ANK1: variants seen among roughly 807,000 people sequenced by gnomAD.
ANK1 encodes the protein ankyrin 1, also known as ankyrin-1.
In ANK1, 51 loss-of-function variants were observed where a neutral mutation model predicts 210.4. The observed-to-expected ratio is 0.24, with a 90% confidence interval of 0.19 to 0.31. ANK1 has a LOEUF of 0.31. Ranked by LOEUF, ANK1 falls within the 10% of genes least tolerant of loss-of-function variation. ANK1 has a pLI of 1.00. For synonymous variants in ANK1, 967 were observed against 1,025.9 expected (o/e 0.94, Z 1.10); for missense variants, 2,051 against 2,504.4 (o/e 0.82, Z 3.86).
intron 17 of ANK1, among the ~76,000 whole-genome samples, chr8:41,708,275 G>A (rs942281061): frequency 1.3e-5 from 2 of 152,280 alleles, no homozygotes; most frequent in East Asian, 3.9e-4. Context: ...GCTTCACCCA[G>A]AAAACTGCTC....
chr8:41,691,085 G>T (rs1465937966), intron 31 of ANK1, among the ~76,000 whole-genome samples: 21 of 152,082 alleles, frequency 1.4e-4, no homozygotes. Context: ...AACTAGCCAG[G>T]TGTGGTGGCA....
chr8:41,804,689 T>G (rs530713638), intron 1 of ANK1, among the ~76,000 whole-genome samples: 7 of 152,248 alleles, frequency 4.6e-5, no homozygotes, highest in Non-Finnish European at 8.8e-5. Flanking sequence ...GCTACCAGTT[T>G]AGGAGATCAA....
At chr8:41,803,090 A>AAGGAAGGGAAGGGAAGGAAAGGAAAG (rs777806034) in intron 1 of ANK1, among the ~76,000 whole-genome samples, 2 of 24,912 alleles carry the variant, frequency 8.0e-5, no homozygotes, top group African/African-American at 1.9e-4. Flanking sequence ...GAAGGGAAGG[A>AAGGAAGGGAAGGGAAGGAAAGGAAAG]AAGGAAAGGA....
At chr8:41,847,888 G>A (rs942897493) in intron 1 of ANK1, among the ~76,000 whole-genome samples, 8 of 152,094 alleles carry the variant, frequency 5.3e-5, no homozygotes, top group Non-Finnish European at 1.2e-4. Flanking sequence ...AGAACTGTGG[G>A]CCAGGCGCAG....
intron 1 of ANK1, among the ~76,000 whole-genome samples, chr8:41,785,461 C>G (rs1233187727): frequency 6.6e-6 from 1 of 152,210 alleles, no homozygotes; most frequent in East Asian, 1.9e-4. Context: ...TGCCCTAGTC[C>G]GCAGCTGTCT....
At chr8:41,743,361 A>G (rs1835273002) in intron 2 of ANK1, among the ~76,000 whole-genome samples, 1 of 152,206 alleles carries the variant, frequency 6.6e-6, no homozygotes, top group Admixed American at 6.5e-5. Context: ...TAGAAGAGGA[A>G]ATGAACTGAG....
Position 41,696,434 on chromosome 8 carries a change from G to A in ANK1, c.2889C>T (p.Pro963=), listed in dbSNP as rs147339150. The stretch of plus-strand genomic sequence containing the variant: ...CCAGGCCCTCCTCCTCGGCCAGTGG[G>A]GGCGGCGTGCTGAGCTTCTGGGGCT... ...LVKPQKLSTP[P]PLAEEEGLAS... The change falls in exon 26 of 43, where the codon CCC becomes CCT. Residue 963 remains proline (P), a synonymous_variant. Coordinates refer to ENST00000289734, the MANE Select transcript of ANK1 (RefSeq NM_000037.4). The A allele has an allele frequency of 6.2e-7, 1 of 1,613,294 alleles. No individual in the cohort carries two copies. Among genetic ancestry groups the A allele is most frequent in the Non-Finnish European group, 8.5e-7 (1 of 1,179,870 alleles).
chr8:41,837,857 C>T (rs774594765), intron 1 of ANK1, among the ~76,000 whole-genome samples: 3 of 151,828 alleles, frequency 2.0e-5, no homozygotes, highest in Non-Finnish European at 2.9e-5. Context: ...GGCAACAGAG[C>T]GAGACGCATC....
intron 1 of ANK1, among the ~76,000 whole-genome samples, chr8:41,843,067 T>C (rs1032472954): frequency 1.3e-5 from 2 of 152,148 alleles, no homozygotes; most frequent in Non-Finnish European, 2.9e-5. Context: ...AGGCTGGTCT[T>C]GAACTCTTGA....
chr8:41,671,868 C>G (rs1177104992), intron 38 of ANK1, among the ~76,000 whole-genome samples: 3 of 146,054 alleles, frequency 2.1e-5, no homozygotes, highest in Non-Finnish European at 1.5e-5. Flanking sequence ...TGAGCCCTCC[C>G]AGCGCCCCGA....
chr8:41,776,318 G>A (rs1844029625), intron 1 of ANK1, among the ~76,000 whole-genome samples: 1 of 152,180 alleles, frequency 6.6e-6, no homozygotes, highest in African/African-American at 2.4e-5. Context: ...GAAATGTGAG[G>A]TATCTGTTTC....
At position 41,704,181 on chromosome 8, in the gene ANK1, T is replaced by A; in HGVS notation, c.2197-42A>T. ...CATTTAGGCAGGGTTAGCCAGCCACTAGACAGAGACCTGCCTACACATGAT... is the reference window on the plus strand; with the variant it reads ...CATTTAGGCAGGGTTAGCCAGCCACAAGACAGAGACCTGCCTACACATGAT... On this transcript the variant is annotated intron_variant, in intron 19 of 42. Transcript: ENST00000289734. This position sits in a 1 kb window ranked among gnomAD's most constrained non-coding sequence, Gnocchi z 4.1. 6.4e-7 allele frequency: 1 copy of A among 1,565,508 alleles called. No individual in the cohort carries two copies.
chr8:41,657,695 G>A (rs1048780725), intron 42 of ANK1, among the ~76,000 whole-genome samples: 3 of 152,188 alleles, frequency 2.0e-5, no homozygotes, highest in Non-Finnish European at 4.4e-5. Context: ...AGACCTCAGA[G>A]ATCATGCTGG....
At chr8:41,657,301 C>T (rs994715376) in intron 42 of ANK1, among the ~76,000 whole-genome samples, 1 of 152,208 alleles carries the variant, frequency 6.6e-6, no homozygotes, top group African/African-American at 2.4e-5. Context: ...TGCTGCCTGA[C>T]CTCGGTCAAG....
intron 29 of ANK1, 113 bp downstream of exon 29, chr8:41,693,785 A>C: frequency 8.2e-7 from 1 of 1,218,910 alleles, no homozygotes; most frequent in Non-Finnish European, 1.2e-6. Context: ...CTCCCGGGGA[A>C]GTCAACAAAA....
chr8:41,696,252 A>G lies in ANK1; in HGVS notation c.2960+111T>C, dbSNP rs1463258584. ...ACACCTTCGTGTGTCAGGAAAAGTCAGGGAAAGGGGAGGGGCACCCAGTTC... is the reference window on the plus strand; with the variant it reads ...ACACCTTCGTGTGTCAGGAAAAGTCGGGGAAAGGGGAGGGGCACCCAGTTC... On this transcript the variant is annotated intron_variant, in intron 26 of 42. Coordinates refer to ENST00000289734, the MANE Select transcript of ANK1 (RefSeq NM_000037.4). 4 of 1,245,246 alleles carry G rather than the reference A, an allele frequency of 3.2e-6. No individual in the cohort carries two copies. In the African/African-American group the frequency reaches 4.4e-5, roughly 14 times the overall value. The allele number at this position is 1,245,246 out of a possible 1,614,324, so 77.1% of individuals were successfully genotyped here.
intron 1 of ANK1, chr8:41,788,775 T>C (rs1846986400): frequency 6.6e-6 from 1 of 152,176 alleles, no homozygotes. Flanking sequence ...GATGGGGGCT[T>C]TCTGAAGCCC....
chr8:41,773,923 G>T (rs1025034023), intron 1 of ANK1, among the ~76,000 whole-genome samples: 1 of 152,208 alleles, frequency 6.6e-6, no homozygotes, highest in African/African-American at 2.4e-5. Flanking sequence ...AAATAAACAG[G>T]CATCCAAACG....
chr8:41,859,846 A>G (rs1339304098), intron 1 of ANK1, among the ~76,000 whole-genome samples: 1 of 152,248 alleles, frequency 6.6e-6, no homozygotes, highest in Non-Finnish European at 1.5e-5. Flanking sequence ...TGGCCGCAGC[A>G]ACAACAGGTA....
Sources: allele counts gnomAD v4.1 joint callset (sites outside exome capture counted in the v4.1 genomes callset), GRCh38; gene constraint gnomAD v4.1.1; non-coding constraint Gnocchi (gnomAD v3.1); transcripts MANE v1.5; gene names NCBI Gene and HGNC (gene_info 2026-07-23, HGNC 2026-07-21).